Variants in CGAS observed in about 807,000 individuals in gnomAD.
CGAS encodes the protein cyclic GMP-AMP synthase, also known as 2'3'-cGAMP synthase.
A neutral mutation model predicts 34.0 loss-of-function variants in CGAS; 31 were observed. The ratio of observed to expected loss-of-function variants is 0.91; its 90% CI spans 0.69 to 1.23. The LOEUF is 1.23. Ranked by LOEUF, CGAS falls within the 50% of genes most tolerant of loss-of-function variation. CGAS has a pLI of 0.00. For synonymous variants in CGAS, 266 were observed against 260.0 expected (o/e 1.02, Z -0.22); for missense variants, 597 against 657.6 (o/e 0.91, Z 1.01).
chr6:73,439,484 G>GA (rs200300259), intron 3 of CGAS, among the ~76,000 whole-genome samples: 5,451 of 113,536 alleles, frequency 0.048, 169 homozygotes, highest in East Asian at 0.21. Context: ...TCTGTCTCAG[G>GA]AAAAAAAAAA....
chr6:73,434,738 C>A (rs1240815207), intron 3 of CGAS, among the ~76,000 whole-genome samples: 1 of 151,944 alleles, frequency 6.6e-6, no homozygotes, highest in Admixed American at 6.6e-5. Flanking sequence ...ACTCCACCCA[C>A]CAAGTTCAAG....
intron 3 of CGAS, among the ~76,000 whole-genome samples, chr6:73,430,056 A>G (rs527943698): frequency 6.6e-6 from 1 of 152,160 alleles, no homozygotes; most frequent in Non-Finnish European, 1.5e-5. Flanking sequence ...GTCGTTCATC[A>G]TTAAAAAAAC....
chr6:73,425,154 C>T lies in CGAS; in HGVS notation c.*73G>A. ...AGGTGTGAGCCACAGCGTCTGGCCC[C>T]TTTTCAAATTTTTCTTGTATTCTCC... On this transcript the variant is annotated 3_prime_UTR_variant, in exon 5 of 5. Coordinates refer to ENST00000370315, the MANE Select transcript of CGAS (RefSeq NM_138441.3). 2 of 1,182,158 alleles carry T rather than the reference C, an allele frequency of 1.7e-6. No homozygotes were observed. Among genetic ancestry groups the T allele is most frequent in the East Asian group, 5.1e-5 (2 of 39,174 alleles). The allele number at this position is 1,182,158 out of a possible 1,614,324, so 73.2% of individuals were successfully genotyped here.
In CGAS at chr6:73,452,189, G is replaced by T. The variant is rs1770588129; in HGVS notation, c.-8C>A. 6 of 1,590,046 alleles carry T rather than the reference G, an allele frequency of 3.8e-6. No individual in the cohort carries two copies. The highest frequency in any genetic ancestry group is 3.4e-4 in the Middle Eastern group (2 of 5,944). ...TCCGTGCCAAGGCTGCATGGCTGGC[G>T]CTTTCTGTTCCCCGAAAGAAGAATC... is the stretch of plus-strand genomic sequence containing the variant. On this transcript the variant is annotated 5_prime_UTR_variant, in exon 1 of 5. Transcript: ENST00000370315.
In CGAS at chr6:73,442,404, CTTT is replaced by C. The variant is rs575356584; in HGVS notation, c.878-1962_878-1960del. Among the ~76,000 whole-genome samples the C allele has an allele frequency of 5.1e-3, 721 of 140,770 alleles. 7 individuals are homozygous for C. Among genetic ancestry groups the C allele is most frequent in the African/African-American group, 0.018 (677 of 37,774 alleles). The allele number at this position is 140,770 out of a possible 152,430, so 92.4% of individuals were successfully genotyped here. A position where few individuals can be genotyped will look rare whatever the true frequency, so the allele number is the denominator to read the frequency against. ...TCTTTCTGCTTCCTTCCAGCCCAAA[CTTT>C]TTTTTTTTTTTGAGACAGGGTCCCG... On this transcript the variant is annotated intron_variant, in intron 2 of 4. Coordinates refer to ENST00000370315, the MANE Select transcript of CGAS (RefSeq NM_138441.3).
At position 73,440,220 on chromosome 6, in the gene CGAS, T is replaced by C. The variant is rs748195437; in HGVS notation, c.1103A>G (p.Asn368Ser). 4.3e-6 allele frequency: 7 copies of C among 1,611,122 alleles called. No individual in the cohort carries two copies. Among genetic ancestry groups the C allele is most frequent in the Non-Finnish European group, 5.9e-6 (7 of 1,178,432 alleles). The change falls in exon 3 of 5, where the codon AAT (asparagine) becomes AGT (serine). Residue 368 changes from asparagine to serine, a missense_variant. Physicochemically the swap from Asn to Ser is conservative, Grantham distance 46 (BLOSUM62 1). This residue lies in a region of CGAS where 271 missense variants were observed against 324.1 expected (regional missense o/e 0.84). Coordinates refer to ENST00000370315, the MANE Select transcript of CGAS (RefSeq NM_138441.3). ...YLVPKHAKEG[N>S]GFQEETWRLS... ...AATATTTAAAATACCTTGGAAACCA[T>C]TTCCTTCCTTTGCATGCTTGGGTAC...
intron 1 of CGAS, 77 bp downstream of exon 1, chr6:73,451,448 G>T: frequency 7.0e-7 from 1 of 1,435,854 alleles, no homozygotes; most frequent in South Asian, 1.4e-5. Flanking sequence ...TGAGGGGCGC[G>T]ACCCGGGGAA....
At chr6:73,449,565 G>C (rs1180763279) in intron 1 of CGAS, among the ~76,000 whole-genome samples, 5 of 151,634 alleles carry the variant, frequency 3.3e-5, no homozygotes, top group African/African-American at 1.2e-4. Context: ...ATTCTAACTA[G>C]TAACTTTCTT....
At chr6:73,435,388 A>G (rs947835281) in intron 3 of CGAS, among the ~76,000 whole-genome samples, 1 of 152,198 alleles carries the variant, frequency 6.6e-6, no homozygotes, top group African/African-American at 2.4e-5. Context: ...TGAAACAGGT[A>G]CTCTGATACA....
chr6:73,429,210 G>GAAAA (rs1562290748), intron 3 of CGAS, among the ~76,000 whole-genome samples: 1 of 147,072 alleles, frequency 6.8e-6, no homozygotes, highest in African/African-American at 2.5e-5. Flanking sequence ...AAGAAAGAAA[G>GAAAA]AAAAAGAAAA....
intron 3 of CGAS, among the ~76,000 whole-genome samples, chr6:73,433,028 G>A (rs1265937662): frequency 6.6e-6 from 1 of 152,078 alleles, no homozygotes; most frequent in Non-Finnish European, 1.5e-5. Flanking sequence ...AGGGTGCAGT[G>A]AGCCGAGATC....
intron 2 of CGAS, among the ~76,000 whole-genome samples, chr6:73,442,597 C>CTTT (rs66905880): frequency 3.7e-4 from 48 of 131,492 alleles, no homozygotes; most frequent in Non-Finnish European, 4.2e-4. Flanking sequence ...TTTTTTCTTT[C>CTTT]TTTTTTTTTT....
rs774812567 is a variant in CGAS at position 73,440,443 on chromosome 6, T to C, written c.880A>G (p.Thr294Ala). The change falls in exon 3 of 5, where the codon ACA becomes GCA. Residue 294 changes from threonine (T) to alanine (A), a missense_variant and splice_region_variant. Thr to Ala is a moderately conservative substitution (Grantham distance 58, BLOSUM62 0). Transcript: ENST00000370315. ...CTTTTCCTCTTCATGATGACATCTG[T>C]ATCTGGTTGAACATATAAAAGAAAA... ...IKEEINDIKD[T>A]DVIMKRKRGG... 1.9e-6 allele frequency: 3 copies of C among 1,605,432 alleles called. No individual in the cohort carries two copies. Among genetic ancestry groups the C allele is most frequent in the Non-Finnish European group, 2.6e-6 (3 of 1,175,308 alleles).
In CGAS at chr6:73,451,546, C is replaced by A; in HGVS notation, c.636G>T (p.Gly212=). Reference sequence around the variant, plus strand: ...TCACCTTCACGTGCTCATAGTAGCTCCCGGTGTTCAGCAGCCCGACGCCTC... The same window carrying A: ...TCACCTTCACGTGCTCATAGTAGCTACCGGTGTTCAGCAGCCCGACGCCTC... The part of the protein sequence containing the change: ...AFRGVGLLNT[G]SYYEHVKISA... Residue 212 remains glycine, a synonymous_variant, in exon 1 of 5, where the codon GGG becomes GGT. Transcript: ENST00000370315. 6.3e-7 allele frequency: 1 copy of A among 1,584,424 alleles called. No individual in the cohort carries two copies. Among genetic ancestry groups the A allele is most frequent in the Admixed American group, 1.8e-5 (1 of 55,138 alleles).
rs570427952 is a variant in CGAS, at chr6:73,425,463, C to T, written c.1333G>A (p.Val445Ile). 7.4e-6 allele frequency: 12 copies of T among 1,614,028 alleles called. No homozygotes were observed. Among genetic ancestry groups the T allele is most frequent in the South Asian group, 6.6e-5 (6 of 91,048 alleles). Residue 445 changes from valine to isoleucine, a missense_variant, in exon 5 of 5, where the codon GTA becomes ATA. This residue lies in a region of CGAS where 271 missense variants were observed against 324.1 expected (regional missense o/e 0.84). Coordinates refer to ENST00000370315, the MANE Select transcript of CGAS (RefSeq NM_138441.3). Reference sequence around the variant, plus strand: ...CTGTCTTGAGGGTTCTGGGTACATACGTGAAAGAAGGCAGTTTTCACATGA... The same window carrying T: ...CTGTCTTGAGGGTTCTGGGTACATATGTGAAAGAAGGCAGTTTTCACATGA... ...SYHVKTAFFH[V>I]CTQNPQDSQW...
Position 73,451,742 on chromosome 6 carries a change from G to T in CGAS, c.440C>A (p.Pro147Gln). 6.2e-7 allele frequency: 1 copy of T among 1,611,088 alleles called. No individual in the cohort carries two copies. Among genetic ancestry groups the T allele is most frequent in the Non-Finnish European group, 8.5e-7 (1 of 1,178,990 alleles). Reference protein sequence around the residue: ...GPWDVPSPGLPVSAPILVRRD... With the variant: ...GPWDVPSPGLQVSAPILVRRD... ...CCGTACGAGAATGGGGGCCGAGACC[G>T]GCAGGCCGGGGCTGGGCACGTCCCA... Residue 147 changes from proline to glutamine, a missense_variant, in exon 1 of 5, where the codon CCG (proline) becomes CAG (glutamine). Transcript: ENST00000370315.
At position 73,443,518 on chromosome 6, in the gene CGAS, G is replaced by A. The variant is rs140051781; in HGVS notation, c.877+2010C>T. On this transcript the variant is annotated intron_variant, in intron 2 of 4. Transcript: ENST00000370315. ...CTCCCAAAGTGTTGGGATTACAGGC[G>A]TGAGCCACGGCGCCTGGCTCTTCCC... is the stretch of plus-strand genomic sequence containing the variant. Among the ~76,000 whole-genome samples, 178 of 152,162 alleles carry A rather than the reference G, an allele frequency of 1.2e-3. 1 individual carries two copies. In the East Asian group the frequency reaches 0.022, roughly 19 times the overall value.
rs748178279 is a variant in CGAS at position 73,452,143 on chromosome 6, G to A, written c.39C>T (p.Ser13=). 3 of 1,608,182 alleles carry A rather than the reference G, an allele frequency of 1.9e-6. No homozygotes were observed. Among genetic ancestry groups the A allele is most frequent in the Non-Finnish European group, 2.5e-6 (3 of 1,178,046 alleles). The change falls in exon 1 of 5, where the codon TCC becomes TCT. Residue 13 remains serine, a synonymous_variant. Coordinates refer to ENST00000370315, the MANE Select transcript of CGAS (RefSeq NM_138441.3). ...CCTTGGGGGCAGTGGCTCCGGCCTCGGAAGCTCTCTGCATGGCCTTTCCGT... is the reference window on the plus strand; with the variant it reads ...CCTTGGGGGCAGTGGCTCCGGCCTCAGAAGCTCTCTGCATGGCCTTTCCGT... ...PWHGKAMQRA[S]EAGATAPKAS...
intron 1 of CGAS, among the ~76,000 whole-genome samples, chr6:73,450,501 G>GCTT (rs1193653754): frequency 1.3e-5 from 2 of 152,018 alleles, no homozygotes; most frequent in Admixed American, 1.3e-4. Flanking sequence ...TCAGGAACCT[G>GCTT]CTTCTAAACT....
Sources: allele counts gnomAD v4.1 joint callset (sites outside exome capture counted in the v4.1 genomes callset), GRCh38; gene constraint gnomAD v4.1.1; regional missense constraint gnomAD v4.1.1; transcripts MANE v1.5; gene names NCBI Gene and HGNC (gene_info 2026-07-23, HGNC 2026-07-21).